Variants in SLC24A2 observed in about 807,000 individuals in gnomAD.
SLC24A2 encodes solute carrier family 24 member 2, also known as sodium/potassium/calcium exchanger 2.
A neutral mutation model predicts 62.0 loss-of-function variants in SLC24A2; 36 were observed. The observed-to-expected ratio is 0.58, with a 90% CI of 0.44 to 0.77. SLC24A2 has a LOEUF of 0.77. Among genes scored for constraint, SLC24A2 ranks in the 30% least tolerant of loss-of-function variants. The pLI, the probability that SLC24A2 is intolerant of heterozygous loss-of-function variation, is 0.00. For missense variants in SLC24A2, 846 were observed against 817.9 expected (o/e 1.03, Z -0.42); for synonymous variants, 358 against 294.0 (o/e 1.22, Z -2.23).
chr9:19,612,308 C>A (rs1307150349), intron 4 of SLC24A2, among the ~76,000 whole-genome samples: 1 of 152,164 alleles, frequency 6.6e-6, no homozygotes, highest in Non-Finnish European at 1.5e-5. Flanking sequence ...AAGTGCTTTT[C>A]ATATACTAGC....
the SLC24A2 span, among the ~76,000 whole-genome samples, chr9:20,142,715 C>T: frequency 3.6e-3 from 553 of 152,300 alleles, 8 homozygotes; most frequent in African/African-American, 0.013. Flanking sequence ...CCTGCCTCAG[C>T]CTCCCAAGGA....
intron 2 of SLC24A2, among the ~76,000 whole-genome samples, chr9:19,636,270 C>A (rs76008160): frequency 3.0e-5 from 1 of 32,882 alleles, no homozygotes; most frequent in Non-Finnish European, 5.9e-5. Flanking sequence ...CTTTTCTTCT[C>A]TTCTTCTCTT....
At chr9:19,516,453 T>C (rs1586873069) in intron 10 of SLC24A2, 51 bp from the exon 11 acceptor site, 1 of 1,602,502 alleles carries the variant, frequency 6.2e-7, no homozygotes, top group Non-Finnish European at 8.5e-7. Flanking sequence ...AAGGGAGTAG[T>C]CAGACACGTT....
the SLC24A2 span, among the ~76,000 whole-genome samples, chr9:19,864,515 G>C: frequency 2.6e-5 from 4 of 152,030 alleles, no homozygotes; most frequent in East Asian, 7.7e-4. Flanking sequence ...ATTTATCCCT[G>C]TAAAGCAAGG....
chr9:19,918,393 CAAAA>C, the SLC24A2 span, among the ~76,000 whole-genome samples: 1 of 137,638 alleles, frequency 7.3e-6, no homozygotes, highest in African/African-American at 2.7e-5. Context: ...CTGCCTTTAT[CAAAA>C]AAAAAAAAAA....
chr9:19,560,897 G>GTGTGTGTATA (rs1287721646), intron 7 of SLC24A2, among the ~76,000 whole-genome samples: 7 of 128,568 alleles, frequency 5.4e-5, no homozygotes, highest in African/African-American at 2.0e-4. Flanking sequence ...GTGTGTGTGT[G>GTGTGTGTATA]TATATATATA....
At chr9:19,894,893 T>G in the SLC24A2 span, among the ~76,000 whole-genome samples, 4 of 152,162 alleles carry the variant, frequency 2.6e-5, no homozygotes, top group Non-Finnish European at 4.4e-5. Context: ...AACTTAGAAA[T>G]ATTTGGAGAA....
At chr9:19,566,797 C>T (rs763086882) in intron 7 of SLC24A2, among the ~76,000 whole-genome samples, 3 of 152,190 alleles carry the variant, frequency 2.0e-5, no homozygotes, top group Non-Finnish European at 4.4e-5. Context: ...AGGATGAGTT[C>T]ATGTCCTTTG....
At chr9:19,690,916 T>TGAGAGAGA (rs879313636) in intron 2 of SLC24A2, among the ~76,000 whole-genome samples, 2 of 124,922 alleles carry the variant, frequency 1.6e-5, no homozygotes, top group Non-Finnish European at 3.7e-5. Flanking sequence ...TGTGTGTGCG[T>TGAGAGAGA]GTGAGAGAGA....
chr9:19,545,063 C>A (rs149029757), intron 8 of SLC24A2, among the ~76,000 whole-genome samples: 6 of 152,134 alleles, frequency 3.9e-5, no homozygotes, highest in Non-Finnish European at 7.3e-5. Flanking sequence ...TCAGGTACAC[C>A]AATCAGAGGT....
intron 2 of SLC24A2, among the ~76,000 whole-genome samples, chr9:19,671,751 C>G (rs2891136): frequency 0.03 from 4,608 of 152,010 alleles, 150 homozygotes; most frequent in East Asian, 0.092. Flanking sequence ...TTTGCTGAGG[C>G]TTTTAATCAT....
At chr9:19,570,080 A>T (rs1375227473) in intron 7 of SLC24A2, among the ~76,000 whole-genome samples, 1 of 152,252 alleles carries the variant, frequency 6.6e-6, no homozygotes, top group African/African-American at 2.4e-5. Context: ...GCTTTGCTAG[A>T]ACACATGGGC....
At chr9:19,650,683 C>A (rs1818774153) in intron 2 of SLC24A2, among the ~76,000 whole-genome samples, 1 of 151,918 alleles carries the variant, frequency 6.6e-6, no homozygotes, top group Non-Finnish European at 1.5e-5. Flanking sequence ...TTTTCACAGA[C>A]AGCCAGGCCA....
At chr9:19,541,392 TG>T (rs1834246872) in intron 8 of SLC24A2, among the ~76,000 whole-genome samples, 1 of 152,008 alleles carries the variant, frequency 6.6e-6, no homozygotes, top group African/African-American at 2.4e-5. Flanking sequence ...TCGGTGTAGA[TG>T]TCCTTTCTGG....
At chr9:19,687,961 C>T (rs1035742988) in intron 2 of SLC24A2, among the ~76,000 whole-genome samples, 2 of 152,064 alleles carry the variant, frequency 1.3e-5, no homozygotes, top group Admixed American at 6.6e-5. Flanking sequence ...TGCATAAACA[C>T]TCTGTACTTT....
At chr9:20,034,765 G>T in the SLC24A2 span, among the ~76,000 whole-genome samples, 39 of 152,252 alleles carry the variant, frequency 2.6e-4, no homozygotes, top group Non-Finnish European at 5.0e-4. Flanking sequence ...ACCGCGCCCG[G>T]CCTGCCTTTT....
At chr9:19,813,339 T>TC in the SLC24A2 span, among the ~76,000 whole-genome samples, 2 of 148,334 alleles carry the variant, frequency 1.3e-5, no homozygotes, top group Admixed American at 6.7e-5. Context: ...TTTTTTTTTT[T>TC]TGAGATGCAG....
At chr9:19,841,592 G>T in the SLC24A2 span, among the ~76,000 whole-genome samples, 1 of 152,204 alleles carries the variant, frequency 6.6e-6, no homozygotes, top group Non-Finnish European at 1.5e-5. Flanking sequence ...TTTTTGGCCT[G>T]TTCTTTGAAA....
the SLC24A2 span, among the ~76,000 whole-genome samples, chr9:19,855,500 T>C: frequency 6.6e-6 from 1 of 152,230 alleles, no homozygotes; most frequent in African/African-American, 2.4e-5. Context: ...ACAAATTCCC[T>C]CAGCATTTGC....
Sources: gnomAD v4.1 joint callset for allele counts (sites outside exome capture counted in the v4.1 genomes callset) on GRCh38, gnomAD v4.1.1 for gene constraint, MANE v1.5 for transcripts, NCBI Gene and HGNC (gene_info 2026-07-23, HGNC 2026-07-21) for gene names.